RORA: variants seen among roughly 807,000 people sequenced by gnomAD.
RORA encodes the protein nuclear receptor ROR-alpha.
A neutral mutation model predicts 69.5 loss-of-function variants in RORA; 7 were observed. The ratio of observed to expected loss-of-function variants is 0.10; its 90% CI spans 0.06 to 0.19. RORA has a LOEUF of 0.19. RORA is among the 10% of genes least tolerant of loss of function. The pLI, the probability that RORA is intolerant of heterozygous loss-of-function variation, is 1.00. For missense variants in RORA, 457 were observed against 663.0 expected, an observed-to-expected ratio of 0.69 and a Z score of 3.41; for synonymous variants, 261 against 240.8, an observed-to-expected ratio of 1.08 and a Z score of -0.78.
intron 1 of RORA, among the ~76,000 whole-genome samples, chr15:60,805,103 T>C (rs1254677487): frequency 6.6e-6 from 1 of 152,162 alleles, no homozygotes; most frequent in Non-Finnish European, 1.5e-5. Flanking sequence ...CTTCCGCCAG[T>C]CACTTCCCCA....
At chr15:60,619,982 C>T (rs2069360833) in intron 2 of RORA, among the ~76,000 whole-genome samples, 1 of 152,218 alleles carries the variant, frequency 6.6e-6, no homozygotes, top group South Asian at 2.1e-4. Context: ...GACGTCTTCC[C>T]CAGTCATTCC....
chr15:61,007,427 G>T (rs982697318), intron 1 of RORA, among the ~76,000 whole-genome samples: 4 of 151,932 alleles, frequency 2.6e-5, no homozygotes, highest in African/African-American at 9.7e-5. Context: ...TGGAAATAAA[G>T]AACCATCCAT....
chr15:60,783,770 G>A (rs1376044369), intron 1 of RORA, among the ~76,000 whole-genome samples: 1 of 152,166 alleles, frequency 6.6e-6, no homozygotes, highest in Non-Finnish European at 1.5e-5. Flanking sequence ...TTCAGGTCCT[G>A]GAAGTACCTC....
At chr15:61,185,316 T>A (rs985147943) in intron 1 of RORA, among the ~76,000 whole-genome samples, 6 of 152,256 alleles carry the variant, frequency 3.9e-5, no homozygotes, top group South Asian at 2.1e-4. Context: ...CCATCTTTTT[T>A]TTTTTCCTAT....
chr15:60,918,819 C>T (rs999160259), intron 1 of RORA, among the ~76,000 whole-genome samples: 1 of 152,106 alleles, frequency 6.6e-6, no homozygotes, highest in Non-Finnish European at 1.5e-5. Flanking sequence ...AGGCCCTGAG[C>T]TGTACCAGGC....
chr15:61,199,467 G>C (rs376522208), intron 1 of RORA, among the ~76,000 whole-genome samples: 1 of 152,070 alleles, frequency 6.6e-6, no homozygotes, highest in African/African-American at 2.4e-5. Flanking sequence ...CACTACTCTC[G>C]GCCCAAGCAG....
intron 1 of RORA, among the ~76,000 whole-genome samples, chr15:60,855,364 C>T (rs7169557): frequency 0.87 from 132,878 of 152,174 alleles, 58,713 homozygotes; most frequent in East Asian, 0.99. Context: ...TTCTGACTCA[C>T]TCCCCAGGTG....
rs533223131 is a variant in RORA at position 60,551,838 on chromosome 15, G to C, written c.197-19987C>G. ...GGTTACCAAGCTTGGGCAAGACCAA[G>C]GTGATACTGCCACCATCTGTTCATT... On this transcript the variant is annotated intron_variant, in intron 2 of 10. Coordinates refer to ENST00000335670, the MANE Select transcript of RORA (RefSeq NM_134261.3). 2.0e-5 allele frequency among the ~76,000 whole-genome samples: 3 copies of C among 152,326 alleles called. No homozygotes were observed. In the South Asian group the frequency reaches 6.2e-4, roughly 32 times the overall value.
intron 3 of RORA, chr15:60,530,939 A>T (rs898148209): frequency 6.6e-6 from 1 of 152,178 alleles, no homozygotes; most frequent in African/African-American, 2.4e-5. Context: ...AAGCATGAGG[A>T]TTTAAATCTT....
chr15:60,891,009 G>A (rs980032404), intron 1 of RORA, among the ~76,000 whole-genome samples: 1 of 152,210 alleles, frequency 6.6e-6, no homozygotes, highest in South Asian at 2.1e-4. Flanking sequence ...AGGATTCACA[G>A]TTCTCCGTGG....
At chr15:60,845,123 A>G (rs1203866064) in intron 1 of RORA, among the ~76,000 whole-genome samples, 1 of 152,176 alleles carries the variant, frequency 6.6e-6, no homozygotes, top group African/African-American at 2.4e-5. Flanking sequence ...GTATAAAATG[A>G]AAAGGTTGAG....
At chr15:61,206,850 C>T (rs1324239907) in intron 1 of RORA, among the ~76,000 whole-genome samples, 2 of 152,146 alleles carry the variant, frequency 1.3e-5, no homozygotes, top group African/African-American at 4.8e-5. Flanking sequence ...CCACAAGAAT[C>T]CTACCATATG....
chr15:61,071,025 C>T (rs189512576), intron 1 of RORA, among the ~76,000 whole-genome samples: 1 of 151,650 alleles, frequency 6.6e-6, no homozygotes, highest in African/African-American at 2.4e-5. Flanking sequence ...GACTCCTCTG[C>T]TGAAAAGCCA....
At chr15:61,119,082 G>GT (rs11380711) in intron 1 of RORA, among the ~76,000 whole-genome samples, 2 of 130,810 alleles carry the variant, frequency 1.5e-5, no homozygotes, top group Non-Finnish European at 3.4e-5. Context: ...GTTAACAGAA[G>GT]GGGGGGGGGG....
chr15:60,561,157 C>T (rs1432541215), intron 2 of RORA, among the ~76,000 whole-genome samples: 2 of 150,382 alleles, frequency 1.3e-5, no homozygotes, highest in Non-Finnish European at 1.5e-5. Context: ...TCTCGGCTCA[C>T]TGCAAGCGCC....
At chr15:61,212,140 C>T (rs909815628) in intron 1 of RORA, among the ~76,000 whole-genome samples, 1 of 152,146 alleles carries the variant, frequency 6.6e-6, no homozygotes, top group Non-Finnish European at 1.5e-5. Flanking sequence ...CTATCCACAG[C>T]TACTATTCAT....
rs28683768 is a variant in RORA, at chr15:60,521,530, C to A, written c.283-6773G>T. Among the ~76,000 whole-genome samples, 581 of 152,070 alleles carry A rather than the reference C, an allele frequency of 3.8e-3. 3 individuals carry two copies. Among genetic ancestry groups the A allele is most frequent in the African/African-American group, 0.013 (547 of 41,470 alleles). On this transcript the variant is annotated intron_variant, in intron 3 of 10. Coordinates refer to ENST00000335670, the MANE Select transcript of RORA (RefSeq NM_134261.3). ...GCTCGGATTTACAGGCGTGAGCCACCGTACCTGGCCACAATTGTCATTTTT... is the reference window on the plus strand; with the variant it reads ...GCTCGGATTTACAGGCGTGAGCCACAGTACCTGGCCACAATTGTCATTTTT...
chr15:61,172,691 C>A lies in RORA; in HGVS notation c.166+56362G>T, dbSNP rs577115328. On this transcript the variant is annotated intron_variant, in intron 1 of 10. Coordinates refer to ENST00000335670, the MANE Select transcript of RORA (RefSeq NM_134261.3). ...TAACCAGTACAATGGGAAAATCGCC[C>A]AAAGTAAATACATACTCTCCTTTGA... 5.3e-5 allele frequency among the ~76,000 whole-genome samples: 8 copies of A among 152,290 alleles called. No individual in the cohort carries two copies. The South Asian group carries it at 1.7e-3, about 32-fold the overall frequency.
intron 1 of RORA, among the ~76,000 whole-genome samples, chr15:60,803,883 C>T (rs1399460336): frequency 2.0e-5 from 3 of 152,150 alleles, no homozygotes; most frequent in Non-Finnish European, 4.4e-5. Flanking sequence ...GCAGGGAAAT[C>T]TCTATTTGGA....
Sources: allele counts gnomAD v4.1 joint callset (sites outside exome capture counted in the v4.1 genomes callset), GRCh38; gene constraint gnomAD v4.1.1; transcripts MANE v1.5; gene names NCBI Gene and HGNC (gene_info 2026-07-23, HGNC 2026-07-21).